Variants in FKBP4 observed in about 807,000 individuals in gnomAD.
The protein encoded by FKBP4 is peptidyl-prolyl cis-trans isomerase FKBP4.
FKBP4 carries 28 observed loss-of-function variants against 54.1 expected under a neutral mutation model. The observed-to-expected ratio is 0.52, with a 90% CI of 0.38 to 0.71. The LOEUF is 0.71. Ranked by LOEUF, FKBP4 falls within the 30% of genes least tolerant of loss-of-function variation. The pLI is 0.00. For synonymous variants in FKBP4, 223 were observed against 216.1 expected (o/e 1.03, Z -0.28); for missense variants, 493 against 574.4 (o/e 0.86, Z 1.45).
intron 1 of FKBP4, chr12:2,796,173 C>T (rs1451923256): frequency 7.8e-7 from 1 of 1,279,720 alleles, no homozygotes; most frequent in Non-Finnish European, 1.0e-6. Flanking sequence ...GCTGCGTCCT[C>T]ATCCTGGCTT....
At position 2,801,149 on chromosome 12, in the gene FKBP4, C is replaced by G. The variant is rs778832603; in HGVS notation, c.1065C>G (p.Gly355=). The G allele has an allele frequency of 1.9e-6, 3 of 1,613,868 alleles. No individual in the cohort carries two copies. Among genetic ancestry groups the G allele is most frequent in the Admixed American group, 1.7e-5 (1 of 60,018 alleles). The change falls in exon 9 of 10, where the codon GGC becomes GGG. Residue 355 remains glycine, a synonymous_variant. Transcript: ENST00000001008. ...AACTGGACAGCAACAACGAGAAGGG[C>G]CTCTTCCGCCGGGGAGAGGCCCACC... is the stretch of plus-strand genomic sequence containing the variant. ...ALELDSNNEK[G]LFRRGEAHLA...
chr12:2,796,405 C>G lies in FKBP4; in HGVS notation c.106-733C>G, dbSNP rs931758315. The G allele has an allele frequency of 3.1e-6, 4 of 1,287,398 alleles. No individual in the cohort carries two copies. The African/African-American group carries it at 4.6e-5, about 15-fold the overall frequency. 79.7% of individuals were successfully genotyped at this position (1,287,398 alleles called of 1,614,324 possible). A position where few individuals can be genotyped will look rare whatever the true frequency, so the allele number is the denominator to read the frequency against. On this transcript the variant is annotated intron_variant, in intron 1 of 9. Transcript: ENST00000001008. ...TCCCCTTTGATCCATCATTCCTTCC[C>G]TTTTACCTTTCTACTCCTCAAAGCC...
chr12:2,796,805 C>G lies in FKBP4; in HGVS notation c.106-333C>G, dbSNP rs558770870. On this transcript the variant is annotated intron_variant, in intron 1 of 9. Transcript: ENST00000001008. ...TTCAACCTTTTACTGGTCTAATCTT[C>G]CAACAACTGTAGGAGATAGGGATTA... The G allele has an allele frequency of 3.6e-6, 4 of 1,096,828 alleles. No homozygotes were observed. The South Asian group carries it at 1.1e-4, about 31-fold the overall frequency. 67.9% of individuals were successfully genotyped at this position (1,096,828 alleles called of 1,614,324 possible). A position where few individuals can be genotyped will look rare whatever the true frequency, so the allele number is the denominator to read the frequency against.
rs750325599 is a variant in FKBP4 at position 2,801,234 on chromosome 12, C to T, written c.1150C>T (p.Pro384Ser). 7 of 1,613,444 alleles carry T rather than the reference C, an allele frequency of 4.3e-6. No individual in the cohort carries two copies. The highest frequency in any genetic ancestry group is 5.9e-6 in the Non-Finnish European group (7 of 1,180,040). The change falls in exon 9 of 10, where the codon CCC (proline) becomes TCC (serine). Residue 384 changes from proline to serine, a missense_variant. Coordinates refer to ENST00000001008, the MANE Select transcript of FKBP4 (RefSeq NM_002014.4). ...ADFQKVLQLY[P>S]NNKAAKTQLA... Reference sequence around the variant, plus strand: ...TTTCCAGAAGGTCCTGCAGCTCTACCCCAACAACAAAGCCGCCAAGACCCA... The same window carrying T: ...TTTCCAGAAGGTCCTGCAGCTCTACTCCAACAACAAAGCCGCCAAGACCCA...
chr12:2,799,300 TAAAA>T (rs1347081601), intron 5 of FKBP4, 56 bp downstream of exon 5: 2 of 1,454,194 alleles, frequency 1.4e-6, no homozygotes, highest in African/African-American at 2.9e-5. Flanking sequence ...ATCAAAGATA[TAAAA>T]TGAATTGTAG....
Position 2,801,285 on chromosome 12 carries a change from C to T in FKBP4, c.1201C>T (p.Arg401Ter). The part of the protein sequence containing the change: ...TQLAVCQQRI[R>*]RQLAREKKLY... ...GCTGGCTGTGTGCCAGCAGCGGATC[C>T]GAAGGCAGCTTGCCCGGGAGAAGAA... Residue 401 changes from arginine (R) to a stop codon, truncating the protein, a stop_gained, in exon 9 of 10, where the codon CGA becomes TGA. Transcript: ENST00000001008. LOFTEE classifies it high-confidence loss of function. 1.2e-6 allele frequency: 2 copies of T among 1,614,036 alleles called. No individual in the cohort carries two copies. Among genetic ancestry groups the T allele is most frequent in the East Asian group, 2.2e-5 (1 of 44,882 alleles).
In FKBP4 at chr12:2,799,385, T is replaced by G. The variant is rs1451816156; in HGVS notation, c.671+141T>G. 4.4e-6 allele frequency: 4 copies of G among 909,982 alleles called. No individual in the cohort carries two copies. In the Admixed American group the frequency reaches 1.1e-4, roughly 24 times the overall value. 56.4% of individuals were successfully genotyped at this position (909,982 alleles called of 1,614,324 possible). On this transcript the variant is annotated intron_variant, in intron 5 of 9. Coordinates refer to ENST00000001008, the MANE Select transcript of FKBP4 (RefSeq NM_002014.4). Reference sequence around the variant, plus strand: ...CACCATTATGATATCCTCAGTGTACTTAGAAGTATGGCCCAATTGTCTACA... The same window carrying G: ...CACCATTATGATATCCTCAGTGTACGTAGAAGTATGGCCCAATTGTCTACA...
chr12:2,798,656 C>G lies in FKBP4; in HGVS notation c.394-50C>G. On this transcript the variant is annotated intron_variant, in intron 3 of 9. Transcript: ENST00000001008. This position sits in a 1 kb window ranked among gnomAD's most constrained non-coding sequence, Gnocchi z 4.3. Reference sequence around the variant, plus strand: ...CTCGGATGAGAAAGATTGTGTTTCACTGCCCATGAGTTAGCATGGGAAGGA... The same window carrying G: ...CTCGGATGAGAAAGATTGTGTTTCAGTGCCCATGAGTTAGCATGGGAAGGA... 1 of 1,610,918 alleles carries G rather than the reference C, an allele frequency of 6.2e-7. No homozygotes were observed. The highest frequency in any genetic ancestry group is 8.5e-7 in the Non-Finnish European group (1 of 1,178,920).
rs751370254 is a variant in FKBP4, at chr12:2,799,203, C to G, written c.630C>G (p.Arg210=). 1 of 1,571,564 alleles carries G rather than the reference C, an allele frequency of 6.4e-7. No homozygotes were observed. Among genetic ancestry groups the G allele is most frequent in the Non-Finnish European group, 8.6e-7 (1 of 1,160,658 alleles). Reference sequence around the variant, plus strand: ...ATGGTCTGGAGAGGGCCATTCAGCGCATGGAGAAAGGAGAACATTCCATCG... The same window carrying G: ...ATGGTCTGGAGAGGGCCATTCAGCGGATGGAGAAAGGAGAACATTCCATCG... ...LPYGLERAIQ[R]MEKGEHSIVY... The change falls in exon 5 of 10, where the codon CGC becomes CGG. Residue 210 remains arginine (R), a synonymous_variant. Transcript: ENST00000001008.
rs2097906037 is a variant in FKBP4, at chr12:2,803,616, A to C, written c.*358A>C. The C allele has an allele frequency of 1.7e-5, 3 of 180,826 alleles. No individual in the cohort carries two copies. Among genetic ancestry groups the C allele is most frequent in the Non-Finnish European group, 3.5e-5 (3 of 84,676 alleles). The allele number at this position is 180,826 out of a possible 1,614,324, so 11.2% of individuals were successfully genotyped here. On this transcript the variant is annotated 3_prime_UTR_variant, in exon 10 of 10. Coordinates refer to ENST00000001008, the MANE Select transcript of FKBP4 (RefSeq NM_002014.4). ...ATAAGAACCCAGGGTGGAGAGGGAG[A>C]CTCCTGGGCAGCCGTTTTCCTCATC...
rs2097900758 is a variant in FKBP4, at chr12:2,794,990, G to T, written c.-150G>T. On this transcript the variant is annotated 5_prime_UTR_variant, in exon 1 of 10. Transcript: ENST00000001008. Reference sequence around the variant, plus strand: ...ACCCACCTACCCCAGCTCTCGCGCCGCGTGCAGAGGTGCTCAAGCCTCCTC... The same window carrying T: ...ACCCACCTACCCCAGCTCTCGCGCCTCGTGCAGAGGTGCTCAAGCCTCCTC... 2 of 350,154 alleles carry T rather than the reference G, an allele frequency of 5.7e-6. No homozygotes were observed. The highest frequency in any genetic ancestry group is 9.9e-6 in the Non-Finnish European group (2 of 201,008). The allele number at this position is 350,154 out of a possible 1,614,324, so 21.7% of individuals were successfully genotyped here.
chr12:2,800,287 G>A (rs1024087534), intron 7 of FKBP4, 105 bp from the exon 8 acceptor site: 63 of 1,405,666 alleles, frequency 4.5e-5, no homozygotes, highest in Non-Finnish European at 5.8e-5. Context: ...TGGGAAGGGT[G>A]GGAGCAGGAA....
At chr12:2,796,926 T>A in intron 1 of FKBP4, 1 of 1,359,124 alleles carries the variant, frequency 7.4e-7, no homozygotes. Flanking sequence ...GTCTCCTTTT[T>A]CAAACCAAGT....
chr12:2,795,082 G>T lies in FKBP4; in HGVS notation c.-58G>T. On this transcript the variant is annotated 5_prime_UTR_variant, in exon 1 of 10. Coordinates refer to ENST00000001008, the MANE Select transcript of FKBP4 (RefSeq NM_002014.4). This position sits in a 1 kb window ranked among gnomAD's most constrained non-coding sequence, Gnocchi z 4.3. The stretch of plus-strand genomic sequence containing the variant: ...CCCCGCAGGTAGCGCCCCCGCCCGC[G>T]GCCCAGAGTGCGCTCGCGCCGGCAC... The T allele has an allele frequency of 3.6e-6, 4 of 1,124,908 alleles. No homozygotes were observed. The highest frequency in any genetic ancestry group is 4.6e-6 in the Non-Finnish European group (4 of 878,010). The allele number at this position is 1,124,908 out of a possible 1,614,324, so 69.7% of individuals were successfully genotyped here. A position where few individuals can be genotyped will look rare whatever the true frequency, so the allele number is the denominator to read the frequency against.
Position 2,798,399 on chromosome 12 carries a change from T to C in FKBP4, c.394-307T>C, listed in dbSNP as rs1461666541. 6.6e-6 allele frequency among the ~76,000 whole-genome samples: 1 copy of C among 152,200 alleles called. No individual in the cohort carries two copies. Among genetic ancestry groups the C allele is most frequent in the East Asian group, 1.9e-4 (1 of 5,198 alleles). On this transcript the variant is annotated intron_variant, in intron 3 of 9. Transcript: ENST00000001008. This position sits in a 1 kb window ranked among gnomAD's most constrained non-coding sequence, Gnocchi z 4.3. ...TCTAATACCTACCAGGTTGGGCTTA[T>C]CAGGTAGTGTGAATTAGGATTATCT...
Position 2,799,134 on chromosome 12 carries a change from G to T in FKBP4, c.561G>T (p.Glu187Asp). ...YYKDKLFDQR[E>D]LRFEIGEGEN... ...AGGACAAGCTCTTTGACCAGCGGGA[G>T]CTCCGCTTTGAGATTGGCGAGGGGG... is the stretch of plus-strand genomic sequence containing the variant. Residue 187 changes from glutamate to aspartate, a missense_variant, in exon 5 of 10, where the codon GAG becomes GAT. Transcript: ENST00000001008. 1 of 1,580,814 alleles carries T rather than the reference G, an allele frequency of 6.3e-7. No homozygotes were observed. The highest frequency in any genetic ancestry group is 2.2e-5 in the East Asian group (1 of 44,660).
At position 2,805,292 on chromosome 12, in the gene FKBP4, C is replaced by G; in HGVS notation, c.*2034C>G. The G allele has an allele frequency of 2.4e-6, 1 of 416,352 alleles. No homozygotes were observed. The highest frequency in any genetic ancestry group is 1.7e-5 in the South Asian group (1 of 57,444). The allele number at this position is 416,352 out of a possible 1,614,324, so 25.8% of individuals were successfully genotyped here. ...CCTCATCTGCAAAATCGAAAGCATTCCTGAGGTTTCTTCCAGCTCTGCATC... is the reference window on the plus strand; with the variant it reads ...CCTCATCTGCAAAATCGAAAGCATTGCTGAGGTTTCTTCCAGCTCTGCATC... On this transcript the variant is annotated 3_prime_UTR_variant, in exon 10 of 10. Transcript: ENST00000001008.
At chr12:2,796,357 T>C (rs1318278409) in intron 1 of FKBP4, 8 of 1,289,128 alleles carry the variant, frequency 6.2e-6, no homozygotes, top group Non-Finnish European at 8.1e-6. Context: ...TTCTACGAGA[T>C]TGTTATTCCA....
chr12:2,796,405 C>T, intron 1 of FKBP4: 2 of 1,287,516 alleles, frequency 1.6e-6, no homozygotes, highest in South Asian at 2.5e-5. Context: ...CATTCCTTCC[C>T]TTTTACCTTT....
Sources: gnomAD v4.1 joint callset for allele counts (sites outside exome capture counted in the v4.1 genomes callset) on GRCh38, gnomAD v4.1.1 for gene constraint, Gnocchi (gnomAD v3.1) non-coding constraint, MANE v1.5 for transcripts, NCBI Gene and HGNC (gene_info 2026-07-23, HGNC 2026-07-21) for gene names.